The following TLK1 variants were observed in gnomAD, a reference collection of about 807,000 sequenced individuals.
TLK1 encodes the protein tousled like kinase 1, also known as serine/threonine-protein kinase tousled-like 1.
In TLK1, 24 loss-of-function variants were observed where a neutral mutation model predicts 105.3. That is an observed-to-expected ratio of 0.23 (90% CI 0.17 to 0.32). The LOEUF is 0.32. Among genes scored for constraint, TLK1 ranks in the 10% least tolerant of loss-of-function variants. TLK1 has a pLI of 1.00. For synonymous variants in TLK1, 321 were observed against 310.4 expected, an observed-to-expected ratio of 1.03 and a Z score of -0.36; for missense variants, 558 against 910.5, an observed-to-expected ratio of 0.61 and a Z score of 4.98.
At chr2:171,210,139 T>C (rs1189423007) in intron 1 of TLK1, among the ~76,000 whole-genome samples, 1 of 152,202 alleles carries the variant, frequency 6.6e-6, no homozygotes, top group Non-Finnish European at 1.5e-5. Context: ...TATAGTACCA[T>C]GATCAGCCAA....
intron 1 of TLK1, among the ~76,000 whole-genome samples, chr2:171,202,492 C>T (rs566217732): frequency 1.8e-4 from 27 of 151,982 alleles, no homozygotes; most frequent in African/African-American, 6.0e-4. Context: ...GCAGCAGTGG[C>T]TTATGCCTGT....
At chr2:171,096,507 A>G (rs1438260197) in intron 2 of TLK1, among the ~76,000 whole-genome samples, 1 of 152,190 alleles carries the variant, frequency 6.6e-6, no homozygotes, top group African/African-American at 2.4e-5. Context: ...CTGTAATCCC[A>G]GCACATTGGG....
At chr2:171,221,446 G>C (rs1448312639) in intron 1 of TLK1, among the ~76,000 whole-genome samples, 2 of 152,124 alleles carry the variant, frequency 1.3e-5, no homozygotes, top group Non-Finnish European at 1.5e-5. Flanking sequence ...ACACCTTGGA[G>C]GAAAGAAGAT....
chr2:171,031,724 A>G (rs1686056426), intron 11 of TLK1, among the ~76,000 whole-genome samples: 1 of 152,250 alleles, frequency 6.6e-6, no homozygotes. Flanking sequence ...GTAAATGAAA[A>G]TTTTAATTTT....
chr2:171,120,617 T>TA (rs1197257752), intron 1 of TLK1, among the ~76,000 whole-genome samples: 1 of 152,186 alleles, frequency 6.6e-6, no homozygotes, highest in African/African-American at 2.4e-5. Context: ...GGATGGCTGT[T>TA]ATCAAAAACT....
At chr2:171,165,550 A>ATT (rs1692590898), upstream of TLK1, among the ~76,000 whole-genome samples, 4 of 151,994 alleles carry the variant, frequency 2.6e-5, no homozygotes, top group African/African-American at 9.7e-5. Flanking sequence ...TTATACTCTT[A>ATT]ACTTCTAAAT....
At chr2:171,013,956 TTTC>T (rs1685051602) in intron 13 of TLK1, among the ~76,000 whole-genome samples, 2 of 152,336 alleles carry the variant, frequency 1.3e-5, no homozygotes, top group African/African-American at 2.4e-5. Context: ...CCACAGATAT[TTTC>T]TTTTCTTTCA....
chr2:170,994,751 G>C (rs1683972967), intron 20 of TLK1: 2 of 510,028 alleles, frequency 3.9e-6, no homozygotes, highest in South Asian at 1.4e-5. Context: ...AACCATAGTT[G>C]AGTTTTGATT....
intron 1 of TLK1, among the ~76,000 whole-genome samples, chr2:171,221,296 A>C (rs11674962): frequency 0.7 from 105,874 of 151,984 alleles, 37,879 homozygotes; most frequent in Middle Eastern, 0.84. Flanking sequence ...AGGACAGCGT[A>C]AGGAACAAAA....
intron 11 of TLK1, among the ~76,000 whole-genome samples, chr2:171,038,976 T>C (rs1360988228): frequency 6.6e-6 from 1 of 152,126 alleles, no homozygotes; most frequent in Admixed American, 6.5e-5. Flanking sequence ...TTATTAGTTT[T>C]TTATTTATCT....
At chr2:171,102,152 T>C (rs766349743) in intron 2 of TLK1, among the ~76,000 whole-genome samples, 2 of 152,186 alleles carry the variant, frequency 1.3e-5, no homozygotes, top group African/African-American at 2.4e-5. Flanking sequence ...AAAACACAGA[T>C]AGCTTCTTCA....
At chr2:171,158,985 G>T (rs779005352) in intron 1 of TLK1, among the ~76,000 whole-genome samples, 70 of 152,288 alleles carry the variant, frequency 4.6e-4, no homozygotes, top group South Asian at 2.1e-4. Context: ...TAAGCCTATT[G>T]TCACTTTCAC....
intron 1 of TLK1, among the ~76,000 whole-genome samples, chr2:171,124,058 T>C (rs1690771173): frequency 6.6e-6 from 1 of 152,196 alleles, no homozygotes; most frequent in Non-Finnish European, 1.5e-5. Context: ...AGAAAGTTTC[T>C]CCACTACAAA....
chr2:171,076,927 A>C (rs1014822805), intron 3 of TLK1, among the ~76,000 whole-genome samples: 6 of 151,916 alleles, frequency 3.9e-5, no homozygotes, highest in Non-Finnish European at 5.9e-5. Context: ...AAAAGAAAGA[A>C]AGAAAGAAAG....
intron 1 of TLK1, among the ~76,000 whole-genome samples, chr2:171,207,438 T>G (rs577116734): frequency 3.1e-4 from 47 of 152,250 alleles, no homozygotes; most frequent in African/African-American, 1.1e-3. Flanking sequence ...AGTATAACAG[T>G]GGATATATGT....
chr2:171,118,975 C>T (rs1450861766), intron 1 of TLK1, among the ~76,000 whole-genome samples: 1 of 152,160 alleles, frequency 6.6e-6, no homozygotes, highest in African/African-American at 2.4e-5. Flanking sequence ...CTGTCTACTT[C>T]TTCTAGCTCA....
chr2:171,184,820 C>T (rs1314428414), intron 1 of TLK1, among the ~76,000 whole-genome samples: 1 of 150,098 alleles, frequency 6.7e-6, no homozygotes, highest in Non-Finnish European at 1.5e-5. Context: ...CTCTTTTCAC[C>T]ATTTATAATT....
At chr2:171,081,179 G>A (rs6746133) in intron 3 of TLK1, among the ~76,000 whole-genome samples, 17,191 of 152,104 alleles carry the variant, frequency 0.11, 1,525 homozygotes, top group African/African-American at 0.24. Flanking sequence ...TGATCCTTGG[G>A]ATCTTTAAAG....
rs548997754 is a variant in TLK1 at position 171,193,400 on chromosome 2, G to GTT, written c.-6+37743_-6+37744dup. Among the ~76,000 whole-genome samples, 87 of 138,740 alleles carry GTT rather than the reference G, an allele frequency of 6.3e-4. 1 individual carries two copies. The highest frequency in any genetic ancestry group is 1.1e-3 in the African/African-American group (43 of 37,790). The allele number at this position is 138,740 out of a possible 152,430, so 91.0% of individuals were successfully genotyped here. A position where few individuals can be genotyped will look rare whatever the true frequency, so the allele number is the denominator to read the frequency against. ...GTTTTCTGTTATCACTTAGTTTTTC[G>GTT]TTTTTTTTTTTTTTGAGATGGAGTC... On this transcript the variant is annotated intron_variant, in intron 1 of 20. Transcript: ENST00000521943.
Sources: gnomAD v4.1 joint callset for allele counts (sites outside exome capture counted in the v4.1 genomes callset) on GRCh38, gnomAD v4.1.1 for gene constraint, MANE v1.5 for transcripts, NCBI Gene and HGNC (gene_info 2026-07-23, HGNC 2026-07-21) for gene names.